The following LARGE1 variants were observed in gnomAD, a reference collection of about 807,000 sequenced individuals.
The protein encoded by LARGE1 is xylosyl- and glucuronyltransferase LARGE1.
LARGE1 carries 43 observed loss-of-function variants against 87.6 expected under a neutral mutation model. The ratio of observed to expected loss-of-function variants is 0.49; its 90% CI spans 0.38 to 0.63. LARGE1 has a LOEUF of 0.63. Among genes scored for constraint, LARGE1 ranks in the 30% least tolerant of loss-of-function variants. The pLI, the probability that LARGE1 is intolerant of heterozygous loss-of-function variation, is 0.00. For synonymous variants in LARGE1, 434 were observed against 394.6 expected (o/e 1.10, Z -1.18); for missense variants, 802 against 1,000.2 (o/e 0.80, Z 2.67).
intron 6 of LARGE1, among the ~76,000 whole-genome samples, chr22:33,471,203 T>C (rs1437588732): frequency 6.6e-6 from 1 of 151,896 alleles, no homozygotes; most frequent in Non-Finnish European, 1.5e-5. Context: ...CATACTTGTA[T>C]TTTTAGTTGA....
chr22:33,860,860 G>C (rs2063897914), intron 1 of LARGE1, among the ~76,000 whole-genome samples: 1 of 152,172 alleles, frequency 6.6e-6, no homozygotes, highest in South Asian at 2.1e-4. Flanking sequence ...TCAGCACGGG[G>C]AACACCGTGG....
rs940599559 is a variant in LARGE1 at position 33,246,373 on chromosome 22, C to T, written c.1730+57856G>A. ...TTTTACAAAGTAAAGTGGCCAGGCG[C>T]GGTGGCTCACCCCTTTAATCCTAGC... On this transcript the variant is annotated intron_variant, in intron 11 of 11. Coordinates refer to the LARGE1 transcript ENST00000608642. Among the ~76,000 whole-genome samples, 6 of 152,090 alleles carry T rather than the reference C, an allele frequency of 3.9e-5. No homozygotes were observed. In the South Asian group the frequency reaches 6.2e-4, roughly 16 times the overall value.
At chr22:33,712,540 CCTT>C (rs2082763858) in intron 2 of LARGE1, among the ~76,000 whole-genome samples, 1 of 152,044 alleles carries the variant, frequency 6.6e-6, no homozygotes, top group Admixed American at 6.5e-5. Flanking sequence ...GGAAACCCCT[CCTT>C]GACTCTGAGT....
intron 2 of LARGE1, among the ~76,000 whole-genome samples, chr22:33,757,176 G>C (rs2084547799): frequency 6.6e-6 from 1 of 152,138 alleles, no homozygotes. Context: ...CTCCATGCCT[G>C]ACAACTGAGT....
chr22:33,586,140 T>C (rs2078666049), intron 5 of LARGE1, among the ~76,000 whole-genome samples: 1 of 152,196 alleles, frequency 6.6e-6, no homozygotes, highest in Non-Finnish European at 1.5e-5. Context: ...GGACTGCCAG[T>C]TGAGTTTTCA....
chr22:33,589,260 A>C (rs1412225151), intron 5 of LARGE1, among the ~76,000 whole-genome samples: 1 of 152,298 alleles, frequency 6.6e-6, no homozygotes, highest in Non-Finnish European at 1.5e-5. Flanking sequence ...TCACAGCACT[A>C]ATTTCAAGGA....
At position 33,175,572 on chromosome 22, in the gene LARGE1, A is replaced by G. The variant is rs535708627; in HGVS notation, c.1731-8740T>C. On this transcript the variant is annotated intron_variant, in intron 11 of 11. Coordinates refer to the LARGE1 transcript ENST00000608642. The stretch of plus-strand genomic sequence containing the variant: ...CATTCACAATTGCTACAAAGAGAAT[A>G]AATTCCTAGGAATAGAACTTAAAAG... 6.6e-5 allele frequency among the ~76,000 whole-genome samples: 10 copies of G among 152,272 alleles called. No individual in the cohort carries two copies. The East Asian group carries it at 1.9e-3, about 29-fold the overall frequency.
intron 6 of LARGE1, among the ~76,000 whole-genome samples, chr22:33,506,076 C>T (rs2070751599): frequency 6.6e-6 from 1 of 152,064 alleles, no homozygotes; most frequent in Non-Finnish European, 1.5e-5. Flanking sequence ...GAATTCTGTG[C>T]ATTTACCCAG....
intron 6 of LARGE1, among the ~76,000 whole-genome samples, chr22:33,462,273 G>A (rs925135303): frequency 2.6e-5 from 4 of 152,058 alleles, no homozygotes; most frequent in Non-Finnish European, 5.9e-5. Context: ...TGTCAACCAA[G>A]AATTGTAGAT....
chr22:33,476,550 C>T (rs1271231271), intron 6 of LARGE1, among the ~76,000 whole-genome samples: 1 of 152,208 alleles, frequency 6.6e-6, no homozygotes, highest in Non-Finnish European at 1.5e-5. Flanking sequence ...GTCTTCAGGA[C>T]TTCCTGAGGC....
intron 1 of LARGE1, among the ~76,000 whole-genome samples, chr22:33,762,804 A>G (rs1374341212): frequency 6.6e-6 from 1 of 152,198 alleles, no homozygotes; most frequent in Non-Finnish European, 1.5e-5. Flanking sequence ...TAAAAAACCA[A>G]TGGACCCTAA....
intron 1 of LARGE1, among the ~76,000 whole-genome samples, chr22:33,877,699 G>GA (rs2064511062): frequency 6.6e-6 from 1 of 152,074 alleles, no homozygotes; most frequent in Non-Finnish European, 1.5e-5. Flanking sequence ...GAGGTGGGGG[G>GA]ATCACTTGAG....
intron 2 of LARGE1, among the ~76,000 whole-genome samples, chr22:33,691,514 C>G (rs1386252183): frequency 6.6e-6 from 1 of 152,080 alleles, no homozygotes; most frequent in Non-Finnish European, 1.5e-5. Flanking sequence ...TACGCAAGCT[C>G]AAGACTGGAA....
At chr22:33,420,037 G>T (rs956635338) in intron 7 of LARGE1, among the ~76,000 whole-genome samples, 3 of 152,078 alleles carry the variant, frequency 2.0e-5, no homozygotes, top group African/African-American at 7.2e-5. Flanking sequence ...TGTACTAGTG[G>T]CATCCCTGGC....
At chr22:33,129,320 A>G in the LARGE1 span, among the ~76,000 whole-genome samples, 2 of 152,160 alleles carry the variant, frequency 1.3e-5, no homozygotes, top group Non-Finnish European at 1.5e-5. Context: ...TCTTAATTGT[A>G]GTTGTGGTTA....
chr22:33,490,302 G>A (rs1047668710), intron 6 of LARGE1, among the ~76,000 whole-genome samples: 4 of 152,116 alleles, frequency 2.6e-5, no homozygotes, highest in East Asian at 1.9e-4. Context: ...ACCTTGCCCC[G>A]CTTCCCTACC....
chr22:33,747,931 T>C (rs2084153810), intron 2 of LARGE1: 1 of 144,534 alleles, frequency 6.9e-6, no homozygotes, highest in Admixed American at 7.4e-5. Flanking sequence ...TATCAACAGG[T>C]GCAATGGAGA....
In LARGE1 at chr22:33,274,327, G is replaced by C; in HGVS notation, c.*100C>G. 2 of 1,298,078 alleles carry C rather than the reference G, an allele frequency of 1.5e-6. 1 individual carries two copies. Among genetic ancestry groups the C allele is most frequent in the Non-Finnish European group, 2.2e-6 (2 of 895,248 alleles). 80.4% of individuals were successfully genotyped at this position (1,298,078 alleles called of 1,614,324 possible). A position where few individuals can be genotyped will look rare whatever the true frequency, so the allele number is the denominator to read the frequency against. On this transcript the variant is annotated 3_prime_UTR_variant, in exon 15 of 15. Coordinates refer to ENST00000397394, the MANE Select transcript of LARGE1 (RefSeq NM_133642.5). The stretch of plus-strand genomic sequence containing the variant: ...CCAAAGAGATAAATAAAAACAAACC[G>C]AAAAAGCATGGCTCAATTTTGAATT...
chr22:33,117,083 A>G, the LARGE1 span, among the ~76,000 whole-genome samples: 7 of 152,204 alleles, frequency 4.6e-5, no homozygotes, highest in East Asian at 1.9e-4. Flanking sequence ...TCTGAGTCTC[A>G]TGTCTACTGA....
Sources: allele counts gnomAD v4.1 joint callset (sites outside exome capture counted in the v4.1 genomes callset), GRCh38; gene constraint gnomAD v4.1.1; transcripts MANE v1.5; gene names NCBI Gene and HGNC (gene_info 2026-07-23, HGNC 2026-07-21).